NSMAF: variants seen among roughly 807,000 people sequenced by gnomAD.
The protein encoded by NSMAF is neutral sphingomyelinase activation associated factor, also known as protein FAN.
In NSMAF, 90 loss-of-function variants were observed where a neutral mutation model predicts 134.9. The observed-to-expected ratio is 0.67, with a 90% CI of 0.56 to 0.79. The LOEUF is 0.79. Ranked by LOEUF, NSMAF falls within the 30% of genes least tolerant of loss-of-function variation. NSMAF has a pLI of 0.00. For synonymous variants in NSMAF, 358 were observed against 389.6 expected (o/e 0.92, Z 0.96); for missense variants, 1,010 against 1,119.0 (o/e 0.90, Z 1.39).
At chr8:58,655,977 A>G (rs1807698907) in intron 1 of NSMAF, among the ~76,000 whole-genome samples, 1 of 151,944 alleles carries the variant, frequency 6.6e-6, no homozygotes, top group Non-Finnish European at 1.5e-5. Context: ...GGACATTTTT[A>G]AAAAACAATA....
In NSMAF at chr8:58,642,555, C is replaced by T. The variant is rs146533360; in HGVS notation, c.149+429G>A. Among the ~76,000 whole-genome samples the T allele has an allele frequency of 2.0e-4, 30 of 152,160 alleles. No homozygotes were observed. The East Asian group carries it at 4.6e-3, about 24-fold the overall frequency. On this transcript the variant is annotated intron_variant, in intron 2 of 30. Transcript: ENST00000038176. ...TAATCATTACTTTATAACATTGTCA[C>T]CCGAATAATTGAGAGCAGAGGATAC... is the stretch of plus-strand genomic sequence containing the variant.
intron 14 of NSMAF, 136 bp downstream of exon 14, chr8:58,601,922 A>C (rs1188749535): frequency 3.0e-6 from 2 of 663,488 alleles, no homozygotes; most frequent in Non-Finnish European, 5.1e-6. Flanking sequence ...CGGTCAGGAG[A>C]AAAGTAAGAA....
At chr8:58,617,626 A>T (rs1806690842) in intron 9 of NSMAF, among the ~76,000 whole-genome samples, 2 of 152,228 alleles carry the variant, frequency 1.3e-5, no homozygotes, top group Admixed American at 1.3e-4. Flanking sequence ...ATCTCATGCC[A>T]GTTAGAATGG....
At chr8:58,622,835 T>C (rs191346793) in intron 9 of NSMAF, among the ~76,000 whole-genome samples, 2 of 152,160 alleles carry the variant, frequency 1.3e-5, no homozygotes, top group Admixed American at 1.3e-4. Context: ...ACCTGGCCCT[T>C]AGAAAGAACA....
chr8:58,632,955 G>T (rs1227122506), intron 5 of NSMAF, among the ~76,000 whole-genome samples: 1 of 152,144 alleles, frequency 6.6e-6, no homozygotes, highest in Non-Finnish European at 1.5e-5. Context: ...GTTTTCTTCA[G>T]AATATACCTA....
At chr8:58,592,908 C>CAAAA (rs201173954) in intron 23 of NSMAF, among the ~76,000 whole-genome samples, 2 of 111,572 alleles carry the variant, frequency 1.8e-5, no homozygotes, top group East Asian at 3.0e-4. Flanking sequence ...AAAACAAAAA[C>CAAAA]AACAACAACA....
rs1026914094 is a variant in NSMAF, at chr8:58,603,100, G to A, written c.1045+110C>T. 3 of 1,059,254 alleles carry A rather than the reference G, an allele frequency of 2.8e-6. No individual in the cohort carries two copies. In the African/African-American group the frequency reaches 4.7e-5, roughly 17 times the overall value. The allele number at this position is 1,059,254 out of a possible 1,614,324, so 65.6% of individuals were successfully genotyped here. A position where few individuals can be genotyped will look rare whatever the true frequency, so the allele number is the denominator to read the frequency against. On this transcript the variant is annotated intron_variant, in intron 13 of 30. Transcript: ENST00000038176. ...ATACAACTGAAATGAGTTGTAATTT[G>A]TTCACATGTCACATCACAATTATAA... is the stretch of plus-strand genomic sequence containing the variant.
chr8:58,626,843 C>G (rs1448620894), intron 6 of NSMAF, among the ~76,000 whole-genome samples: 1 of 152,212 alleles, frequency 6.6e-6, no homozygotes, highest in African/African-American at 2.4e-5. Context: ...AAAGTGCTCC[C>G]TTTTCACCAA....
intron 5 of NSMAF, among the ~76,000 whole-genome samples, chr8:58,632,853 C>T (rs1011710081): frequency 6.6e-6 from 1 of 152,216 alleles, no homozygotes; most frequent in Non-Finnish European, 1.5e-5. Flanking sequence ...CTCTCTTTAT[C>T]ACTATAAAGG....
At chr8:58,599,132 C>T in intron 19 of NSMAF, 100 bp downstream of exon 19, 1 of 1,225,222 alleles carries the variant, frequency 8.2e-7, no homozygotes, top group South Asian at 1.5e-5. Flanking sequence ...GCTTTGGCCT[C>T]ATTTTTTTGT....
intron 1 of NSMAF, among the ~76,000 whole-genome samples, chr8:58,649,628 C>A (rs115502177): frequency 0.027 from 4,087 of 152,262 alleles, 203 homozygotes; most frequent in African/African-American, 0.092. Flanking sequence ...TCAGCACCAT[C>A]CCCTTGGTAA....
At chr8:58,655,691 A>G (rs1041998962) in intron 1 of NSMAF, among the ~76,000 whole-genome samples, 27 of 152,168 alleles carry the variant, frequency 1.8e-4, no homozygotes, top group Non-Finnish European at 3.5e-4. Context: ...GCGGATCACG[A>G]GGACAGGAGA....
At chr8:58,656,919 T>C (rs1807728298) in intron 1 of NSMAF, among the ~76,000 whole-genome samples, 1 of 152,210 alleles carries the variant, frequency 6.6e-6, no homozygotes, top group South Asian at 2.1e-4. Context: ...AATTTTAGTA[T>C]AAGTACATAC....
intron 26 of NSMAF, 139 bp downstream of exon 26, chr8:58,589,311 GAA>G (rs759237368): frequency 6.4e-6 from 3 of 469,798 alleles, no homozygotes; most frequent in African/African-American, 2.0e-5. Flanking sequence ...CACGCTTTGT[GAA>G]AAAGAGTGGA....
chr8:58,656,902 C>T (rs1229867120), intron 1 of NSMAF, among the ~76,000 whole-genome samples: 2 of 152,038 alleles, frequency 1.3e-5, no homozygotes, highest in Non-Finnish European at 2.9e-5. Flanking sequence ...TTTACTTATA[C>T]TAAAAAAATT....
intron 23 of NSMAF, among the ~76,000 whole-genome samples, chr8:58,593,861 T>C (rs1806073397): frequency 6.6e-6 from 1 of 152,220 alleles, no homozygotes; most frequent in African/African-American, 2.4e-5. Context: ...AATCTGCATT[T>C]CCACGTGCTG....
chr8:58,658,582 TG>T (rs1405513384), intron 1 of NSMAF, among the ~76,000 whole-genome samples: 1 of 152,196 alleles, frequency 6.6e-6, no homozygotes, highest in Non-Finnish European at 1.5e-5. Context: ...TGGTATTCAC[TG>T]ATGAGACAAC....
intron 1 of NSMAF, among the ~76,000 whole-genome samples, chr8:58,653,720 A>G (rs1807638150): frequency 6.6e-6 from 1 of 152,212 alleles, no homozygotes; most frequent in Non-Finnish European, 1.5e-5. Flanking sequence ...ACAATTCTAA[A>G]TATCTGATGG....
At chr8:58,633,153 C>T (rs1247762004) in intron 5 of NSMAF, among the ~76,000 whole-genome samples, 1 of 152,222 alleles carries the variant, frequency 6.6e-6, no homozygotes, top group Admixed American at 6.5e-5. Context: ...TCTCTCTGCG[C>T]TTTATTCTAA....
Sources: allele counts gnomAD v4.1 joint callset (sites outside exome capture counted in the v4.1 genomes callset), GRCh38; gene constraint gnomAD v4.1.1; transcripts MANE v1.5; gene names NCBI Gene and HGNC (gene_info 2026-07-23, HGNC 2026-07-21).